Variants in ARL15 observed in about 807,000 individuals in gnomAD.
The protein encoded by ARL15 is ARF like GTPase 15, also known as ADP-ribosylation factor-like protein 15.
In ARL15, 19 loss-of-function variants were observed where a neutral mutation model predicts 25.2. The observed-to-expected ratio is 0.75, with a 90% CI of 0.53 to 1.10. The LOEUF (loss-of-function observed/expected upper bound fraction) is 1.10, where lower values mean the gene tolerates loss of function less well. Ranked by LOEUF, ARL15 falls within the 50% of genes least tolerant of loss-of-function variation. The pLI is 0.00. For missense variants in ARL15, 220 were observed against 246.0 expected, an observed-to-expected ratio of 0.89 and a Z score of 0.71; for synonymous variants, 94 against 86.8, an observed-to-expected ratio of 1.08 and a Z score of -0.46.
Position 53,886,402 on chromosome 5 carries a change from C to T in ARL15, c.*159G>A. ...TAATGCCGATGATAATTCATCTGAT[C>T]TACAGAATATTCACTTTAATAGAGA... is the stretch of plus-strand genomic sequence containing the variant. On this transcript the variant is annotated 3_prime_UTR_variant, in exon 5 of 5. Transcript: ENST00000504924. The T allele has an allele frequency of 1.4e-6, 1 of 734,020 alleles. No homozygotes were observed. Among genetic ancestry groups the T allele is most frequent in the South Asian group, 2.1e-5 (1 of 47,390 alleles). The allele number at this position is 734,020 out of a possible 1,614,324, so 45.5% of individuals were successfully genotyped here.
chr5:54,212,722 G>A (rs1235968169), intron 1 of ARL15, among the ~76,000 whole-genome samples: 2 of 152,186 alleles, frequency 1.3e-5, no homozygotes, highest in Admixed American at 1.3e-4. Context: ...TTTCTTAGCT[G>A]TGAACTAATT....
intron 4 of ARL15, among the ~76,000 whole-genome samples, chr5:54,005,270 CCTTCTGGTGTCCTATACTAT>C (rs756543057): frequency 2.5e-4 from 33 of 129,468 alleles, no homozygotes; most frequent in Non-Finnish European, 4.9e-4. Context: ...TCCAAACATA[CCTTCTGGTGTCCTATACTAT>C]TTGCCCTTCT....
At chr5:53,917,729 C>T (rs1308447385) in intron 4 of ARL15, among the ~76,000 whole-genome samples, 2 of 152,174 alleles carry the variant, frequency 1.3e-5, no homozygotes, top group Non-Finnish European at 2.9e-5. Context: ...GATACTCAAG[C>T]TGCAGGACAT....
intron 3 of ARL15, among the ~76,000 whole-genome samples, chr5:54,134,037 C>T (rs534540054): frequency 6.6e-6 from 1 of 152,186 alleles, no homozygotes; most frequent in African/African-American, 2.4e-5. Context: ...AGATTACATA[C>T]AAGATAGCAG....
intron 4 of ARL15, among the ~76,000 whole-genome samples, chr5:54,055,825 A>C (rs1436749369): frequency 1.3e-5 from 2 of 152,020 alleles, no homozygotes; most frequent in African/African-American, 4.8e-5. Context: ...CATTCCACTG[A>C]AATATTATTA....
intron 4 of ARL15, among the ~76,000 whole-genome samples, chr5:53,983,307 TA>T (rs1288784907): frequency 6.6e-6 from 1 of 152,144 alleles, no homozygotes; most frequent in African/African-American, 2.4e-5. Flanking sequence ...AAATTTTCTT[TA>T]AAAAAATCAT....
intron 4 of ARL15, among the ~76,000 whole-genome samples, chr5:54,022,600 T>C (rs549468260): frequency 6.6e-6 from 1 of 152,170 alleles, no homozygotes; most frequent in East Asian, 1.9e-4. Flanking sequence ...TCATCACACA[T>C]TTTTCTCCCC....
At chr5:54,056,522 C>T (rs547308608) in intron 4 of ARL15, among the ~76,000 whole-genome samples, 9 of 150,458 alleles carry the variant, frequency 6.0e-5, no homozygotes, top group African/African-American at 1.5e-4. Context: ...CCCAGCTACT[C>T]GGGAGGCTGA....
intron 4 of ARL15, among the ~76,000 whole-genome samples, chr5:53,974,431 A>T (rs978930902): frequency 6.6e-6 from 1 of 152,232 alleles, no homozygotes; most frequent in African/African-American, 2.4e-5. Context: ...AATTTCTGCC[A>T]TATATTGGTA....
intron 4 of ARL15, among the ~76,000 whole-genome samples, chr5:54,039,281 G>A (rs1750259987): frequency 6.6e-6 from 1 of 152,068 alleles, no homozygotes; most frequent in Non-Finnish European, 1.5e-5. Context: ...AAAATTGGCA[G>A]ATGAAAATGA....
At chr5:54,236,661 C>T (rs1246307743) in intron 1 of ARL15, among the ~76,000 whole-genome samples, 2 of 152,212 alleles carry the variant, frequency 1.3e-5, no homozygotes, top group African/African-American at 4.8e-5. Context: ...TCTACTGGTC[C>T]TTTATAATGT....
chr5:54,266,359 T>G (rs933915737), intron 1 of ARL15, among the ~76,000 whole-genome samples: 2 of 152,204 alleles, frequency 1.3e-5, no homozygotes, highest in African/African-American at 4.8e-5. Flanking sequence ...AATGTCAGTT[T>G]GTTGAGAAAG....
At chr5:54,063,325 A>T (rs1007233703) in intron 4 of ARL15, among the ~76,000 whole-genome samples, 3 of 152,166 alleles carry the variant, frequency 2.0e-5, no homozygotes, top group African/African-American at 7.2e-5. Context: ...GTGCTGCCAA[A>T]CTGTTCTGGG....
intron 4 of ARL15, among the ~76,000 whole-genome samples, chr5:54,054,616 C>T (rs1276774863): frequency 6.6e-6 from 1 of 152,092 alleles, no homozygotes; most frequent in African/African-American, 2.4e-5. Context: ...CGGTGAAACC[C>T]CGTCTCTACT....
chr5:54,167,809 G>A (rs571118180), intron 2 of ARL15, among the ~76,000 whole-genome samples: 1 of 152,192 alleles, frequency 6.6e-6, no homozygotes, highest in East Asian at 1.9e-4. Context: ...TGAAAACGAT[G>A]GTCTACCCCT....
intron 4 of ARL15, among the ~76,000 whole-genome samples, chr5:53,890,268 T>A (rs1744670220): frequency 6.6e-6 from 1 of 152,196 alleles, no homozygotes; most frequent in African/African-American, 2.4e-5. Flanking sequence ...AAGAATAGTG[T>A]TTAACTTTGA....
chr5:53,980,792 A>C (rs1748094001), intron 4 of ARL15, among the ~76,000 whole-genome samples: 1 of 152,136 alleles, frequency 6.6e-6, no homozygotes. Context: ...AAATCAGAGC[A>C]CCTCACTAAT....
intron 4 of ARL15, among the ~76,000 whole-genome samples, chr5:54,098,065 C>A (rs1752336894): frequency 6.6e-6 from 1 of 152,008 alleles, no homozygotes; most frequent in Non-Finnish European, 1.5e-5. Flanking sequence ...AACAGGCCAA[C>A]CATGAGAGGA....
At chr5:53,996,134 A>G (rs1748662021) in intron 4 of ARL15, among the ~76,000 whole-genome samples, 1 of 152,190 alleles carries the variant, frequency 6.6e-6, no homozygotes, top group Non-Finnish European at 1.5e-5. Flanking sequence ...ATGGGTGAGC[A>G]AAAAACCCAG....
Sources: gnomAD v4.1 joint callset for allele counts (sites outside exome capture counted in the v4.1 genomes callset) on GRCh38, gnomAD v4.1.1 for gene constraint, MANE v1.5 for transcripts, NCBI Gene and HGNC (gene_info 2026-07-23, HGNC 2026-07-21) for gene names.